MACF1: variants seen among roughly 807,000 people sequenced by gnomAD.
The protein encoded by MACF1 is microtubule actin crosslinking factor 1.
In MACF1, 193 loss-of-function variants were observed where a neutral mutation model predicts 854.8. That is an observed-to-expected ratio of 0.23 (90% CI 0.20 to 0.25). MACF1 has a LOEUF of 0.25. MACF1 is among the 10% of genes least tolerant of loss of function. MACF1 has a pLI of 1.00. For missense variants in MACF1, 7,722 were observed against 8,929.1 expected, an observed-to-expected ratio of 0.86 and a Z score of 5.45; for synonymous variants, 3,185 against 3,226.7, an observed-to-expected ratio of 0.99 and a Z score of 0.44.
At chr1:39,374,215 C>G (rs1649517460) in intron 52 of MACF1, among the ~76,000 whole-genome samples, 1 of 152,198 alleles carries the variant, frequency 6.6e-6, no homozygotes, top group Non-Finnish European at 1.5e-5. Flanking sequence ...GCACTCCAGC[C>G]TGTGCGACAG....
chr1:39,369,958 A>G, intron 50 of MACF1, 72 bp from the exon 51 acceptor site: 1 of 1,386,402 alleles, frequency 7.2e-7, no homozygotes, highest in Non-Finnish European at 9.9e-7. Context: ...GAGTCACAGA[A>G]TGAACTACTC....
chr1:39,414,060 G>A, intron 58 of MACF1: 6 of 1,606,480 alleles, frequency 3.7e-6, no homozygotes, highest in Non-Finnish European at 4.2e-6. Context: ...TCACCCCAGA[G>A]GAACTCAGTT....
chr1:39,174,446 A>T (rs1276465881), intron 2 of MACF1, among the ~76,000 whole-genome samples: 1 of 152,168 alleles, frequency 6.6e-6, no homozygotes, highest in Non-Finnish European at 1.5e-5. Context: ...TCGATTAGTA[A>T]TTCCAAATGT....
At chr1:39,154,623 C>T (rs1263517376) in intron 2 of MACF1, among the ~76,000 whole-genome samples, 1 of 152,134 alleles carries the variant, frequency 6.6e-6, no homozygotes, top group East Asian at 1.9e-4. Context: ...CTAGATCTTT[C>T]TCCTCGATAG....
chr1:39,467,282 A>G lies in MACF1; in HGVS notation c.21772-1333A>G, dbSNP rs533403745. Among the ~76,000 whole-genome samples the G allele has an allele frequency of 3.7e-3, 559 of 152,206 alleles. 1 individual carries two copies. The highest frequency in any genetic ancestry group is 0.013 in the African/African-American group (533 of 41,546). On this transcript the variant is annotated intron_variant, in intron 95 of 100. Transcript: ENST00000564288. ...CGGAAGGCTGAGGCAGGAGAATGGC[A>G]TGAACCCAGGAGGCGGAGCTTGCAA...
chr1:39,322,827 C>T (rs1646539138), intron 32 of MACF1, 83 bp from the exon 33 acceptor site: 1 of 1,490,290 alleles, frequency 6.7e-7, no homozygotes, highest in Non-Finnish European at 9.4e-7. Context: ...CATGTGACTG[C>T]ATGAACATTT....
chr1:39,234,765 C>T (rs1644836737), intron 2 of MACF1, among the ~76,000 whole-genome samples: 2 of 122,706 alleles, frequency 1.6e-5, no homozygotes, highest in Middle Eastern at 4.2e-3. Flanking sequence ...GGTTGCCAGG[C>T]AGAGGGTCTC....
intron 2 of MACF1, among the ~76,000 whole-genome samples, chr1:39,100,864 A>ATAAAT (rs979771360): frequency 2.6e-5 from 4 of 152,082 alleles, no homozygotes; most frequent in East Asian, 1.9e-4. Context: ...AAATAAATAA[A>ATAAAT]TAAATTAAAT....
intron 39 of MACF1, 30 bp downstream of exon 39, chr1:39,340,747 C>T (rs372324838): frequency 1.2e-5 from 20 of 1,612,492 alleles, no homozygotes; most frequent in South Asian, 3.3e-5. Flanking sequence ...CATAAAGGCT[C>T]ACAAAGTCTG....
chr1:39,196,686 G>A (rs1022004720), intron 2 of MACF1, among the ~76,000 whole-genome samples: 3 of 152,294 alleles, frequency 2.0e-5, no homozygotes, highest in South Asian at 2.1e-4. Context: ...ACGGTGTAAC[G>A]TAAATTTTTA....
intron 2 of MACF1, among the ~76,000 whole-genome samples, chr1:39,102,193 AAG>A (rs61576279): frequency 0.63 from 92,807 of 148,026 alleles, 29,820 homozygotes; most frequent in African/African-American, 0.73. Context: ...AAGAAAAAGA[AAG>A]AGAGAGAGAG....
intron 31 of MACF1, among the ~76,000 whole-genome samples, chr1:39,320,096 C>CA (rs1646485774): frequency 1.3e-5 from 2 of 152,140 alleles, no homozygotes; most frequent in Admixed American, 1.3e-4. Context: ...ATTGCTGAGG[C>CA]AAAAAACCCA....
rs778323141 is a variant in MACF1, at chr1:39,459,288, C to T, written c.21360+39C>T. 9.5e-6 allele frequency: 15 copies of T among 1,575,318 alleles called. No homozygotes were observed. The South Asian group carries it at 1.3e-4, about 14-fold the overall frequency. On this transcript the variant is annotated intron_variant, in intron 91 of 100. Coordinates refer to ENST00000564288, the MANE Select transcript of MACF1 (RefSeq NM_001394062.1). The stretch of plus-strand genomic sequence containing the variant: ...GAGTGGCCTTCCCTGAAACAAAGTG[C>T]TTTTTTCAATCAAAACACAGCCCTT...
At chr1:39,393,196 A>AAAAAAAAAAAAAAAAAATATAT (rs57576149) in intron 58 of MACF1, among the ~76,000 whole-genome samples, 1 of 66,576 alleles carries the variant, frequency 1.5e-5, no homozygotes, top group Non-Finnish European at 2.6e-5. Flanking sequence ...AAAAAAAAAA[A>AAAAAAAAAAAAAAAAAATATAT]ATATATATAT....
At position 39,231,185 on chromosome 1, in the gene MACF1, A is replaced by T. The variant is rs1430998304; in HGVS notation, c.113A>T (p.Glu38Val). Residue 38 changes from glutamate (E) to valine (V), a missense_variant, in exon 2 of 101, where the codon GAA (glutamate) becomes GTA (valine). Coordinates refer to ENST00000564288, the MANE Select transcript of MACF1 (RefSeq NM_001394062.1). ...CTTCTCTGTGTTTCCTTTACAGATGAACGGGACCGGGTTCAGAAGAAAACG... is the reference window on the plus strand; with the variant it reads ...CTTCTCTGTGTTTCCTTTACAGATGTACGGGACCGGGTTCAGAAGAAAACG... ...WKRHARGRADERDRVQKKTFT... is the reference protein window; with the variant it reads ...WKRHARGRADVRDRVQKKTFT... 6.2e-7 allele frequency: 1 copy of T among 1,614,168 alleles called. No homozygotes were observed. Among genetic ancestry groups the T allele is most frequent in the African/African-American group, 1.3e-5 (1 of 75,058 alleles).
At chr1:39,097,929 T>G (rs1030635516) in intron 2 of MACF1, among the ~76,000 whole-genome samples, 1 of 151,974 alleles carries the variant, frequency 6.6e-6, no homozygotes, top group Non-Finnish European at 1.5e-5. Flanking sequence ...GTTTCTACCT[T>G]GAGATGGTGT....
At position 39,427,961 on chromosome 1, in the gene MACF1, G is replaced by A; in HGVS notation, c.16477G>A (p.Ala5493Thr). ...TCATTTTTTCCATCTGGATTTCCAG[G>A]CTCTGGAAGAAGACATAGAAAACCA... ...KIQQQIIRHK[A>T]LEEDIENHAT... is the part of the protein sequence containing the mutation. Residue 5493 changes from alanine to threonine, a missense_variant and splice_region_variant, in exon 63 of 101, where the codon GCT becomes ACT. Physicochemically the swap from Ala to Thr is moderately conservative, Grantham distance 58. Coordinates refer to ENST00000564288, the MANE Select transcript of MACF1 (RefSeq NM_001394062.1). 1 of 1,594,366 alleles carries A rather than the reference G, an allele frequency of 6.3e-7. No individual in the cohort carries two copies. The highest frequency in any genetic ancestry group is 1.7e-5 in the Admixed American group (1 of 57,484).
chr1:39,233,429 G>T (rs58716714), intron 2 of MACF1, among the ~76,000 whole-genome samples: 1 of 152,016 alleles, frequency 6.6e-6, no homozygotes, highest in African/African-American at 2.4e-5. Context: ...TTATTGCTAC[G>T]AGTGAGCCAT....
At chr1:39,469,654 G>A in intron 97 of MACF1, 39 bp downstream of exon 97, 2 of 1,480,448 alleles carry the variant, frequency 1.4e-6, no homozygotes, top group East Asian at 4.9e-5. Context: ...TCACACCCTA[G>A]CCCATTGAGA....
Sources: allele counts gnomAD v4.1 joint callset (sites outside exome capture counted in the v4.1 genomes callset), GRCh38; gene constraint gnomAD v4.1.1; transcripts MANE v1.5; gene names NCBI Gene and HGNC (gene_info 2026-07-23, HGNC 2026-07-21).